CNNM3: variants seen among roughly 807,000 people sequenced by gnomAD.
CNNM3 encodes the protein cyclin and CBS domain divalent metal cation transport mediator 3.
CNNM3 carries 47 observed loss-of-function variants against 57.1 expected under a neutral mutation model. The ratio of observed to expected loss-of-function variants is 0.82; its 90% CI spans 0.65 to 1.05. The LOEUF is 1.05. Ranked by LOEUF, CNNM3 falls within the 50% of genes least tolerant of loss-of-function variation. The pLI, the probability that CNNM3 is intolerant of heterozygous loss-of-function variation, is 0.00. For missense variants in CNNM3, 957 were observed against 973.7 expected, an observed-to-expected ratio of 0.98 and a Z score of 0.23; for synonymous variants, 507 against 478.2, an observed-to-expected ratio of 1.06 and a Z score of -0.79.
At position 96,816,907 on chromosome 2, in the gene CNNM3, G is replaced by T. The variant is rs1196401011; in HGVS notation, c.630G>T (p.Ala210=). The T allele has an allele frequency of 8.8e-7, 1 of 1,137,106 alleles. No individual in the cohort carries two copies. 70.4% of individuals were successfully genotyped at this position (1,137,106 alleles called of 1,614,324 possible). A position where few individuals can be genotyped will look rare whatever the true frequency, so the allele number is the denominator to read the frequency against. The part of the protein sequence containing the change: ...LLASLAQAAL[A]VLLYRAAGQR... ...CCAGCCTGGCGCAGGCGGCGCTGGC[G>T]GTGCTGCTGTACCGCGCGGCCGGCC... Residue 210 remains alanine (A), a synonymous_variant, in exon 1 of 8, where the codon GCG becomes GCT. Transcript: ENST00000305510.
chr2:96,829,303 T>G, intron 7 of CNNM3, 169 bp downstream of exon 7: 1 of 840,312 alleles, frequency 1.2e-6, no homozygotes, highest in Non-Finnish European at 1.4e-6. Context: ...ATAATTTTTT[T>G]TTTTTTTGAG....
intron 3 of CNNM3, 89 bp from the exon 4 acceptor site, chr2:96,827,642 A>T: frequency 7.2e-7 from 1 of 1,383,246 alleles, no homozygotes; most frequent in Non-Finnish European, 1.0e-6. Flanking sequence ...TGGTGGGCAC[A>T]ATAACTTTAA....
chr2:96,829,219 C>A, intron 7 of CNNM3, 85 bp downstream of exon 7: 1 of 1,456,426 alleles, frequency 6.9e-7, no homozygotes, highest in Admixed American at 2.3e-5. Flanking sequence ...CTCGCCGCCC[C>A]CCCACCCTCT....
At position 96,816,424 on chromosome 2, in the gene CNNM3, A is replaced by T; in HGVS notation, c.147A>T (p.Val49=). The change falls in exon 1 of 8, where the codon GTA becomes GTT. Residue 49 remains valine (V), a synonymous_variant. Coordinates refer to ENST00000305510, the MANE Select transcript of CNNM3 (RefSeq NM_017623.5). ...ATGGAGCGGCGGGCGCGGGTTGGGT[A>T]CGCGGAGGGGCGGCGCGGGACACGC... The part of the protein sequence containing the change: ...EEDGAAGAGW[V]RGGAARDTPD... The T allele has an allele frequency of 7.2e-7, 1 of 1,383,344 alleles. No individual in the cohort carries two copies. The highest frequency in any genetic ancestry group is 9.3e-7 in the Non-Finnish European group (1 of 1,071,496). 85.7% of individuals were successfully genotyped at this position (1,383,344 alleles called of 1,614,324 possible).
chr2:96,818,028 C>T (rs1164818815), intron 1 of CNNM3, among the ~76,000 whole-genome samples: 1 of 152,164 alleles, frequency 6.6e-6, no homozygotes, highest in African/African-American at 2.4e-5. Flanking sequence ...AGGTGTCAAT[C>T]CCTTATCTGC....
chr2:96,828,285 C>A, intron 5 of CNNM3, 90 bp downstream of exon 5: 4 of 1,089,500 alleles, frequency 3.7e-6, no homozygotes, highest in Non-Finnish European at 4.1e-6. Context: ...TGCCCCTCCT[C>A]ACCTCTCCTT....
intron 3 of CNNM3, 38 bp from the exon 4 acceptor site, chr2:96,827,693 C>T (rs752127621): frequency 2.5e-6 from 4 of 1,582,902 alleles, no homozygotes; most frequent in South Asian, 1.1e-5. Flanking sequence ...GGCCACTAGG[C>T]CCCAGTGGAC....
In CNNM3 at chr2:96,817,126, C is replaced by T; in HGVS notation, c.849C>T (p.Pro283=). 7.4e-7 allele frequency: 1 copy of T among 1,350,458 alleles called. No homozygotes were observed. Among genetic ancestry groups the T allele is most frequent in the South Asian group, 2.0e-5 (1 of 51,100 alleles). The allele number at this position is 1,350,458 out of a possible 1,614,324, so 83.7% of individuals were successfully genotyped here. ...AGCTGCTGGAGCTGGCGGCGCGGCC[C>T]GGGCGGCTGCGGGAGCGGGTGCTGG... ...VGQLLELAAR[P]GRLRERVLEL... The change falls in exon 1 of 8, where the codon CCC becomes CCT. Residue 283 remains proline, a synonymous_variant. Transcript: ENST00000305510.
intron 1 of CNNM3, among the ~76,000 whole-genome samples, chr2:96,821,826 C>A (rs1263699783): frequency 6.6e-6 from 1 of 152,038 alleles, no homozygotes; most frequent in Non-Finnish European, 1.5e-5. Flanking sequence ...TGTTGAATAT[C>A]TCATGTAATT....
chr2:96,828,326 G>T (rs190112970), intron 5 of CNNM3, 131 bp downstream of exon 5: 1 of 882,430 alleles, frequency 1.1e-6, no homozygotes, highest in Non-Finnish European at 1.8e-6. Flanking sequence ...ACAAGGTGGT[G>T]TAGCCCCTGG....
At position 96,835,255 on chromosome 2, in the gene CNNM3, T is replaced by C. The variant is rs369659146; in HGVS notation, c.*2639T>C. ...CGGGAGATCATCCAGGCATTGCATG[T>C]GTCAACAGTTTGCTCCTTTTTATTG... On this transcript the variant is annotated 3_prime_UTR_variant, in exon 8 of 8. Transcript: ENST00000305510. 1.5e-4 allele frequency among the ~76,000 whole-genome samples: 23 copies of C among 152,318 alleles called. No homozygotes were observed. The highest frequency in any genetic ancestry group is 5.5e-4 in the African/African-American group (23 of 41,566).
At chr2:96,832,171 C>T in intron 7 of CNNM3, 1 of 1,016,180 alleles carries the variant, frequency 9.8e-7, no homozygotes, top group Non-Finnish European at 1.2e-6. Context: ...GCATTTTTCT[C>T]CAGGGGTGTG....
chr2:96,830,364 G>C (rs2079580724), intron 7 of CNNM3, among the ~76,000 whole-genome samples: 3 of 152,192 alleles, frequency 2.0e-5, no homozygotes, highest in African/African-American at 7.2e-5. Context: ...GCTGCTAGCT[G>C]TTCTGCCTGT....
In CNNM3 at chr2:96,816,315, G is replaced by C; in HGVS notation, c.38G>C (p.Trp13Ser). 2 of 1,290,766 alleles carry C rather than the reference G, an allele frequency of 1.5e-6. No homozygotes were observed. The highest frequency in any genetic ancestry group is 5.0e-5 in the South Asian group (2 of 40,204). The allele number at this position is 1,290,766 out of a possible 1,614,324, so 80.0% of individuals were successfully genotyped here. Reference sequence around the variant, plus strand: ...GTAGCTGCGGCGGGTCGGTTAGGCTGGTTGTTCGCCGCGCTCTGCCTGGGC... The same window carrying C: ...GTAGCTGCGGCGGGTCGGTTAGGCTCGTTGTTCGCCGCGCTCTGCCTGGGC... ...AAVAAAGRLGWLFAALCLGNA... is the reference protein window; with the variant it reads ...AAVAAAGRLGSLFAALCLGNA... The change falls in exon 1 of 8, where the codon TGG becomes TCG. Residue 13 changes from tryptophan to serine, a missense_variant. Around this residue, in one of 2 missense-constraint regions of CNNM3, gnomAD observed 466 missense variants for 403.1 expected, o/e 1.16. Coordinates refer to ENST00000305510, the MANE Select transcript of CNNM3 (RefSeq NM_017623.5).
In CNNM3 at chr2:96,816,851, G is replaced by T; in HGVS notation, c.574G>T (p.Gly192Cys). The T allele has an allele frequency of 9.4e-7, 1 of 1,063,604 alleles. No individual in the cohort carries two copies. The highest frequency in any genetic ancestry group is 4.3e-5 in the South Asian group (1 of 23,062). The allele number at this position is 1,063,604 out of a possible 1,614,324, so 65.9% of individuals were successfully genotyped here. The change falls in exon 1 of 8, where the codon GGC (glycine) becomes TGC (cysteine). Residue 192 changes from glycine to cysteine, a missense_variant. Gly to Cys is a radical substitution (Grantham distance 159). Around this residue, in one of 2 missense-constraint regions of CNNM3, gnomAD observed 466 missense variants for 403.1 expected, o/e 1.16. Transcript: ENST00000305510. ...TTTGGAGCCCGCGCGGCGCTGGGCC[G>T]GCTGCGCCTTGGGCGCGCTGCTGCT... is the stretch of plus-strand genomic sequence containing the variant. ...RRLEPARRWA[G>C]CALGALLLLA...
Position 96,835,237 on chromosome 2 carries a change from T to C in CNNM3, c.*2621T>C, listed in dbSNP as rs777597349. Among the ~76,000 whole-genome samples the C allele has an allele frequency of 7.2e-5, 11 of 152,210 alleles. No homozygotes were observed. Among genetic ancestry groups the C allele is most frequent in the Non-Finnish European group, 1.5e-4 (10 of 68,044 alleles). ...TTCACTCGGCGTCATTCTCGGGAGA[T>C]CATCCAGGCATTGCATGTGTCAACA... On this transcript the variant is annotated 3_prime_UTR_variant, in exon 8 of 8. Coordinates refer to ENST00000305510, the MANE Select transcript of CNNM3 (RefSeq NM_017623.5).
rs1333508626 is a variant in CNNM3 at position 96,816,501 on chromosome 2, C to T, written c.224C>T (p.Ser75Phe). Reference sequence around the variant, plus strand: ...TTCGGCCCGGGCTTCGCCAACAGCTCTTGGTCCTGGGTGGCCCCGGAGGGG... The same window carrying T: ...TTCGGCCCGGGCTTCGCCAACAGCTTTTGGTCCTGGGTGGCCCCGGAGGGG... ...RLFGPGFANS[S>F]WSWVAPEGAG... Residue 75 changes from serine to phenylalanine, a missense_variant, in exon 1 of 8, where the codon TCT becomes TTT. Physicochemically the swap from Ser to Phe is radical, Grantham distance 155 (BLOSUM62 -2). Around this residue, in one of 2 missense-constraint regions of CNNM3, gnomAD observed 466 missense variants for 403.1 expected, o/e 1.16. Transcript: ENST00000305510. 6.9e-7 allele frequency: 1 copy of T among 1,455,098 alleles called. No homozygotes were observed. Among genetic ancestry groups the T allele is most frequent in the Non-Finnish European group, 9.1e-7 (1 of 1,103,936 alleles). The allele number at this position is 1,455,098 out of a possible 1,614,324, so 90.1% of individuals were successfully genotyped here.
rs550189202 is a variant in CNNM3 at position 96,834,638 on chromosome 2, C to T, written c.*2022C>T. The stretch of plus-strand genomic sequence containing the variant: ...TGTTGAGATTATAGGCGTGAGCCAC[C>T]GTGCCCAGATTCACAGAAGTTTCAT... On this transcript the variant is annotated 3_prime_UTR_variant, in exon 8 of 8. Coordinates refer to ENST00000305510, the MANE Select transcript of CNNM3 (RefSeq NM_017623.5). Among the ~76,000 whole-genome samples, 37 of 120,866 alleles carry T rather than the reference C, an allele frequency of 3.1e-4. No homozygotes were observed. The highest frequency in any genetic ancestry group is 7.2e-4 in the South Asian group (2 of 2,774). 79.3% of individuals were successfully genotyped at this position (120,866 alleles called of 152,430 possible).
At chr2:96,826,718 TCCATCGAGGACCCCCTG>T in intron 2 of CNNM3, 98 bp from the exon 3 acceptor site, 1 of 1,259,904 alleles carries the variant, frequency 7.9e-7, no homozygotes, top group South Asian at 1.4e-5. Flanking sequence ...CCGATGCTGC[TCCATCGAGGACCCCCTG>T]GCCTCAGGAG....
Sources: gnomAD v4.1 joint callset for allele counts (sites outside exome capture counted in the v4.1 genomes callset) on GRCh38, gnomAD v4.1.1 for gene constraint, gnomAD v4.1.1 regional missense constraint, MANE v1.5 for transcripts, NCBI Gene and HGNC (gene_info 2026-07-23, HGNC 2026-07-21) for gene names.